Variants in PENK observed in about 807,000 individuals in gnomAD.
The protein encoded by PENK is proenkephalin-A.
In PENK, 25 loss-of-function variants were observed where a neutral mutation model predicts 24.1. The ratio of observed to expected loss-of-function variants is 1.04; its 90% CI spans 0.76 to 1.45. The LOEUF is 1.45. Ranked by LOEUF, PENK falls within the 40% of genes most tolerant of loss-of-function variation. The probability of loss-of-function intolerance (pLI) is 0.00; values close to 1 mark genes in which losing one functional copy is unlikely to be tolerated. For missense variants in PENK, 353 were observed against 337.9 expected (o/e 1.04, Z -0.35); for synonymous variants, 135 against 130.3 (o/e 1.04, Z -0.24).
At chr8:56,444,504 A>G (rs1216922217) in intron 3 of PENK, among the ~76,000 whole-genome samples, 1 of 152,234 alleles carries the variant, frequency 6.6e-6, no homozygotes, top group Non-Finnish European at 1.5e-5. Flanking sequence ...TATCCACAAG[A>G]TCTATCCTTA....
chr8:56,445,669 C>T (rs1163376718), intron 3 of PENK, 147 bp downstream of exon 3: 1 of 983,912 alleles, frequency 1.0e-6, no homozygotes, highest in Non-Finnish European at 1.6e-6. Context: ...AGCTGAGACA[C>T]CCAGGTCACC....
At chr8:56,445,456 C>G in intron 3 of PENK, 2 of 494,312 alleles carry the variant, frequency 4.0e-6, no homozygotes, top group Non-Finnish European at 3.6e-6. Flanking sequence ...GTTGTGGTGA[C>G]AGCCATCTTC....
At chr8:56,443,080 C>T (rs1022696524) in intron 3 of PENK, among the ~76,000 whole-genome samples, 8 of 152,016 alleles carry the variant, frequency 5.3e-5, no homozygotes, top group African/African-American at 1.9e-4. Context: ...TGAAAGAAAG[C>T]ATTTTATTAG....
At chr8:56,444,446 T>C (rs1804616191) in intron 3 of PENK, among the ~76,000 whole-genome samples, 2 of 152,222 alleles carry the variant, frequency 1.3e-5, no homozygotes, top group African/African-American at 4.8e-5. Flanking sequence ...GAGTCTTCTA[T>C]GTGGCATGTT....
rs200579532 is a variant in PENK, at chr8:56,441,513, C to G, written c.563G>C (p.Gly188Ala). ...GCTTCTCTTTAAGCCTCTCATGAAG[C>G]CCCCATATCTCTTGCTCACTTCTTC... is the stretch of plus-strand genomic sequence containing the variant. ...NEEEVSKRYG[G>A]FMRGLKRSPQ... Residue 188 changes from glycine (G) to alanine (A), a missense_variant, in exon 4 of 4, where the codon GGC becomes GCC. Gly to Ala is a moderately conservative substitution (Grantham distance 60). Coordinates refer to ENST00000451791, the MANE Select transcript of PENK (RefSeq NM_001135690.3). 8 of 1,613,554 alleles carry G rather than the reference C, an allele frequency of 5.0e-6. No homozygotes were observed. In the East Asian group the frequency reaches 1.8e-4, roughly 36 times the overall value.
Position 56,441,219 on chromosome 8 carries a change from TG to T in PENK, c.*52del. On this transcript the variant is annotated 3_prime_UTR_variant, in exon 4 of 4. Coordinates refer to ENST00000451791, the MANE Select transcript of PENK (RefSeq NM_001135690.3). Reference sequence around the variant, plus strand: ...TAAAACACCATCAACAGTTTCCCACTGGAGGATGGAGGGAGGCTTGCTGGGG... The same window carrying T: ...TAAAACACCATCAACAGTTTCCCACTGAGGATGGAGGGAGGCTTGCTGGGG... 1 of 1,237,796 alleles carries T rather than the reference TG, an allele frequency of 8.1e-7. No individual in the cohort carries two copies. The highest frequency in any genetic ancestry group is 1.1e-6 in the Non-Finnish European group (1 of 872,888). 76.7% of individuals were successfully genotyped at this position (1,237,796 alleles called of 1,614,324 possible). A position where few individuals can be genotyped will look rare whatever the true frequency, so the allele number is the denominator to read the frequency against.
In PENK at chr8:56,446,490, A is replaced by C. The variant is rs1485709601; in HGVS notation, c.-59-9T>G. On this transcript the variant is annotated splice_polypyrimidine_tract_variant and intron_variant, in intron 1 of 3. Transcript: ENST00000451791. ...CGGGTTCAGACACGACTCTAGAGGG[A>C]AGAGAAGAAGGCAAGTGTGAGGAGG... The C allele has an allele frequency of 6.5e-6, 1 of 153,580 alleles. No individual in the cohort carries two copies. Among genetic ancestry groups the C allele is most frequent in the Non-Finnish European group, 1.4e-5 (1 of 69,096 alleles). The allele number at this position is 153,580 out of a possible 1,614,324, so 9.5% of individuals were successfully genotyped here.
chr8:56,444,359 T>C (rs1265928429), intron 3 of PENK, among the ~76,000 whole-genome samples: 6 of 152,234 alleles, frequency 3.9e-5, no homozygotes, highest in Non-Finnish European at 8.8e-5. Flanking sequence ...GGGAGGGGGC[T>C]GAGCCCCTGA....
rs757795722 is a variant in PENK, at chr8:56,441,432, C to T, written c.644G>A (p.Arg215Lys). Residue 215 changes from arginine (R) to lysine (K), a missense_variant, in exon 4 of 4, where the codon AGA (arginine) becomes AAA (lysine). Coordinates refer to ENST00000451791, the MANE Select transcript of PENK (RefSeq NM_001135690.3). ...ELQKRYGGFM[R>K]RVGRPEWWMD... is the part of the protein sequence containing the mutation. ...CCACCACTCTGGGCGACCTACTCTT[C>T]TCATGAAGCCCCCATATCGCTTCTG... 6 of 1,613,960 alleles carry T rather than the reference C, an allele frequency of 3.7e-6. No homozygotes were observed. Among genetic ancestry groups the T allele is most frequent in the Non-Finnish European group, 5.1e-6 (6 of 1,180,032 alleles).
At chr8:56,442,615 T>C (rs1328635919) in intron 3 of PENK, among the ~76,000 whole-genome samples, 2 of 152,062 alleles carry the variant, frequency 1.3e-5, no homozygotes, top group Non-Finnish European at 2.9e-5. Context: ...TTTTTCCTTT[T>C]TTCTTTGCTG....
chr8:56,446,076 C>T, intron 2 of PENK, 120 bp from the exon 3 acceptor site: 1 of 1,197,664 alleles, frequency 8.3e-7, no homozygotes. Context: ...CGCAGGAATG[C>T]TCCTTTCTGG....
At position 56,445,762 on chromosome 8, in the gene PENK, T is replaced by C. The variant is rs950887957; in HGVS notation, c.138+54A>G. ...TGGGCCGGAGGCAGTCCGCGTACTG[T>C]TGCGGAAACTCTGTCTCACAAGGTG... On this transcript the variant is annotated intron_variant, in intron 3 of 3. Transcript: ENST00000451791. 3.7e-6 allele frequency: 6 copies of C among 1,609,508 alleles called. No homozygotes were observed. The African/African-American group carries it at 8.0e-5, about 22-fold the overall frequency.
chr8:56,443,309 T>C (rs1011397054), intron 3 of PENK, among the ~76,000 whole-genome samples: 2 of 152,254 alleles, frequency 1.3e-5, no homozygotes, highest in African/African-American at 4.8e-5. Context: ...TAAAGTTGTA[T>C]CTAAGTGATC....
Position 56,441,548 on chromosome 8 carries a change from A to C in PENK, c.528T>G (p.Ser176Arg), listed in dbSNP as rs1202643598. Residue 176 changes from serine (S) to arginine (R), a missense_variant, in exon 4 of 4, where the codon AGT becomes AGG. Ser to Arg is a moderately radical substitution (Grantham distance 110). Coordinates refer to ENST00000451791, the MANE Select transcript of PENK (RefSeq NM_001135690.3). ...NRERSHHQDG[S>R]DNEEEVSKRY... ...TCTTGCTCACTTCTTCCTCATTATCACTGCCATCCTGGTGGTGGCTACGCT... is the reference window on the plus strand; with the variant it reads ...TCTTGCTCACTTCTTCCTCATTATCCCTGCCATCCTGGTGGTGGCTACGCT... 1 of 1,608,640 alleles carries C rather than the reference A, an allele frequency of 6.2e-7. No homozygotes were observed. The highest frequency in any genetic ancestry group is 2.2e-5 in the East Asian group (1 of 44,730).
In PENK at chr8:56,441,435, A is replaced by G; in HGVS notation, c.641T>C (p.Met214Thr). The G allele has an allele frequency of 6.2e-7, 1 of 1,613,944 alleles. No individual in the cohort carries two copies. The highest frequency in any genetic ancestry group is 1.1e-5 in the South Asian group (1 of 91,080). ...KELQKRYGGF[M>T]RRVGRPEWWM... ...CCACTCTGGGCGACCTACTCTTCTC[A>G]TGAAGCCCCCATATCGCTTCTGCAG... The change falls in exon 4 of 4, where the codon ATG (methionine) becomes ACG (threonine). Residue 214 changes from methionine to threonine, a missense_variant. Coordinates refer to ENST00000451791, the MANE Select transcript of PENK (RefSeq NM_001135690.3).
chr8:56,446,001 G>A, intron 2 of PENK, 45 bp from the exon 3 acceptor site: 1 of 1,435,992 alleles, frequency 7.0e-7, no homozygotes, highest in Non-Finnish European at 9.1e-7. Flanking sequence ...CCTGGGCGCA[G>A]AACGGGGTCC....
chr8:56,441,984 T>G (rs753854786), intron 3 of PENK, 47 bp from the exon 4 acceptor site: 1 of 1,493,884 alleles, frequency 6.7e-7, no homozygotes, highest in South Asian at 1.3e-5. Context: ...TTCTGTGATT[T>G]CATTAAGCAA....
rs760223243 is a variant in PENK, at chr8:56,441,651, T to G, written c.425A>C (p.Lys142Thr). Reference sequence around the variant, plus strand: ...CAGCGAGTCGTCCTCCTCTGCATCCTTCTTCATGAAGCCCCCATACCGCTT... The same window carrying G: ...CAGCGAGTCGTCCTCCTCTGCATCCGTCTTCATGAAGCCCCCATACCGCTT... ...LAKRYGGFMK[K>T]DAEEDDSLAN... is the part of the protein sequence containing the mutation. Residue 142 changes from lysine (K) to threonine (T), a missense_variant, in exon 4 of 4, where the codon AAG becomes ACG. Lys to Thr is a moderately conservative substitution (Grantham distance 78, BLOSUM62 -1). Coordinates refer to ENST00000451791, the MANE Select transcript of PENK (RefSeq NM_001135690.3). 1 of 1,613,916 alleles carries G rather than the reference T, an allele frequency of 6.2e-7. No homozygotes were observed. The highest frequency in any genetic ancestry group is 8.5e-7 in the Non-Finnish European group (1 of 1,180,014).
At chr8:56,444,078 C>A (rs1804608612) in intron 3 of PENK, 3 of 669,478 alleles carry the variant, frequency 4.5e-6, no homozygotes, top group East Asian at 2.7e-5. Flanking sequence ...GAGGTGATAC[C>A]CAGGGAAGAG....
Sources: allele counts gnomAD v4.1 joint callset (sites outside exome capture counted in the v4.1 genomes callset), GRCh38; gene constraint gnomAD v4.1.1; transcripts MANE v1.5; gene names NCBI Gene and HGNC (gene_info 2026-07-23, HGNC 2026-07-21).